The following SDK1 variants were observed in gnomAD, a reference collection of about 807,000 sequenced individuals.
SDK1 encodes the protein sidekick cell adhesion molecule 1, also known as protein sidekick-1.
In SDK1, 157 loss-of-function variants were observed where a neutral mutation model predicts 245.5. The ratio of observed to expected loss-of-function variants is 0.64; its 90% CI spans 0.56 to 0.73. The LOEUF (loss-of-function observed/expected upper bound fraction) is 0.73, where lower values mean the gene tolerates loss of function less well. SDK1 is among the 30% of genes least tolerant of loss of function. The probability of loss-of-function intolerance (pLI) is 0.00; values close to 1 mark genes in which losing one functional copy is unlikely to be tolerated. For missense variants in SDK1, 3,583 were observed against 3,002.3 expected, an observed-to-expected ratio of 1.19 and a Z score of -4.52; for synonymous variants, 1,647 against 1,278.5, an observed-to-expected ratio of 1.29 and a Z score of -6.15.
At chr7:3,686,039 A>G (rs1784271813) in intron 4 of SDK1, among the ~76,000 whole-genome samples, 1 of 152,056 alleles carries the variant, frequency 6.6e-6, no homozygotes, top group South Asian at 2.1e-4. Flanking sequence ...GAGGACAGAA[A>G]GTAAAAGACT....
chr7:3,587,393 A>G (rs1189785663), intron 1 of SDK1, among the ~76,000 whole-genome samples: 1 of 152,024 alleles, frequency 6.6e-6, no homozygotes, highest in Non-Finnish European at 1.5e-5. Flanking sequence ...CCCATGATCT[A>G]TCAGCTGCAA....
At chr7:3,321,824 CCTT>C (rs1779820070) in intron 1 of SDK1, among the ~76,000 whole-genome samples, 1 of 128,186 alleles carries the variant, frequency 7.8e-6, no homozygotes, top group African/African-American at 3.2e-5. Flanking sequence ...TTCCTTCCTT[CCTT>C]CCTCCTTTTC....
chr7:3,323,732 T>C (rs1779874602), intron 1 of SDK1, among the ~76,000 whole-genome samples: 1 of 152,242 alleles, frequency 6.6e-6, no homozygotes, highest in South Asian at 2.1e-4. Flanking sequence ...CCTTAATTAT[T>C]TCCCTGCCTT....
intron 1 of SDK1, among the ~76,000 whole-genome samples, chr7:3,532,601 A>C (rs757471884): frequency 6.6e-6 from 1 of 152,172 alleles, no homozygotes; most frequent in Non-Finnish European, 1.5e-5. Context: ...GTGTTTTCCT[A>C]CTATAACTGT....
intron 4 of SDK1, among the ~76,000 whole-genome samples, chr7:3,815,653 C>T (rs1779489602): frequency 6.6e-6 from 1 of 151,498 alleles, no homozygotes. Flanking sequence ...AGGATTCCCT[C>T]TTTTTCTATT....
intron 1 of SDK1, among the ~76,000 whole-genome samples, chr7:3,415,754 C>T (rs1779347865): frequency 6.6e-6 from 1 of 151,002 alleles, no homozygotes; most frequent in South Asian, 2.1e-4. Flanking sequence ...CAAATCATTT[C>T]TGTTACATGA....
At chr7:3,925,845 G>A (rs1779748244) in intron 5 of SDK1, among the ~76,000 whole-genome samples, 1 of 152,170 alleles carries the variant, frequency 6.6e-6, no homozygotes, top group Non-Finnish European at 1.5e-5. Context: ...GTCAGCCATT[G>A]GCACTCCCCC....
chr7:4,241,536 G>A (rs1210752377), intron 42 of SDK1, among the ~76,000 whole-genome samples: 2 of 152,176 alleles, frequency 1.3e-5, no homozygotes, highest in Admixed American at 1.3e-4. Flanking sequence ...ATAAAACACT[G>A]GCAAGAATAC....
At chr7:4,109,690 G>A (rs181390446) in intron 22 of SDK1, among the ~76,000 whole-genome samples, 30 of 152,204 alleles carry the variant, frequency 2.0e-4, no homozygotes, top group African/African-American at 6.8e-4. Flanking sequence ...GGCCGTGGCT[G>A]TCTCTCCCGT....
At chr7:3,592,555 G>C (rs1037696473) in intron 1 of SDK1, among the ~76,000 whole-genome samples, 1 of 152,144 alleles carries the variant, frequency 6.6e-6, no homozygotes, top group Admixed American at 6.5e-5. Context: ...ATTCTGCCCA[G>C]TGAAGGTTAT....
chr7:4,228,245 C>A (rs1393936091), intron 40 of SDK1, among the ~76,000 whole-genome samples: 1 of 152,200 alleles, frequency 6.6e-6, no homozygotes, highest in African/African-American at 2.4e-5. Context: ...AGTGGTATTT[C>A]TCCAATGGCG....
chr7:3,633,587 G>GT (rs1205077543), intron 2 of SDK1, among the ~76,000 whole-genome samples: 2 of 152,016 alleles, frequency 1.3e-5, no homozygotes, highest in Non-Finnish European at 2.9e-5. Flanking sequence ...CAAGAGCCAT[G>GT]TTTTTTTGTT....
intron 1 of SDK1, among the ~76,000 whole-genome samples, chr7:3,339,309 A>C (rs932089646): frequency 6.6e-6 from 1 of 152,200 alleles, no homozygotes; most frequent in Non-Finnish European, 1.5e-5. Context: ...AGGAGAAATA[A>C]ATTTAACAAA....
In SDK1 at chr7:4,130,673, C is replaced by T. The variant is rs571496707; in HGVS notation, c.4129+576C>T. On this transcript the variant is annotated intron_variant, in intron 27 of 44. Transcript: ENST00000404826. ...AGTTTCTGGACCTGAATCACAAGGA[C>T]GCCTTGCCAGCTTTGTTTTCATGGA... 5.3e-5 allele frequency among the ~76,000 whole-genome samples: 8 copies of T among 152,314 alleles called. No homozygotes were observed. In the East Asian group the frequency reaches 9.6e-4, roughly 18 times the overall value.
intron 4 of SDK1, among the ~76,000 whole-genome samples, chr7:3,718,102 G>C (rs1467415018): frequency 6.6e-5 from 10 of 152,124 alleles, no homozygotes; most frequent in Admixed American, 6.5e-4. Flanking sequence ...GGCATGCAAG[G>C]CTGGCTTCAT....
intron 5 of SDK1, among the ~76,000 whole-genome samples, chr7:3,930,734 A>C (rs551987665): frequency 1.7e-4 from 26 of 152,328 alleles, no homozygotes; most frequent in African/African-American, 4.8e-4. Flanking sequence ...CGGAGGTTGC[A>C]GTGAGCTGAG....
chr7:3,686,999 A>T (rs1784302237), intron 4 of SDK1, among the ~76,000 whole-genome samples: 1 of 150,474 alleles, frequency 6.6e-6, no homozygotes, highest in African/African-American at 2.5e-5. Context: ...CAGCTCAAGA[A>T]GGGAGATCTG....
intron 4 of SDK1, among the ~76,000 whole-genome samples, chr7:3,696,920 A>C (rs1784590807): frequency 6.6e-6 from 1 of 152,002 alleles, no homozygotes; most frequent in African/African-American, 2.4e-5. Context: ...TAAAAAAAAA[A>C]ACTCATAAGT....
intron 5 of SDK1, among the ~76,000 whole-genome samples, chr7:3,870,282 T>G (rs931519197): frequency 6.6e-6 from 1 of 152,220 alleles, no homozygotes; most frequent in African/African-American, 2.4e-5. Context: ...AAGTGATTGC[T>G]ACTTTTCGTT....
Sources: allele counts gnomAD v4.1 joint callset (sites outside exome capture counted in the v4.1 genomes callset), GRCh38; gene constraint gnomAD v4.1.1; transcripts MANE v1.5; gene names NCBI Gene and HGNC (gene_info 2026-07-23, HGNC 2026-07-21).